ZNRF3: variants seen among roughly 807,000 people sequenced by gnomAD.
ZNRF3 encodes zinc and ring finger 3, also known as E3 ubiquitin-protein ligase ZNRF3.
ZNRF3 carries 23 observed loss-of-function variants against 72.5 expected under a neutral mutation model. That is an observed-to-expected ratio of 0.32 (90% CI 0.23 to 0.45). ZNRF3 has a LOEUF of 0.45. Ranked by LOEUF, ZNRF3 falls within the 20% of genes least tolerant of loss-of-function variation. ZNRF3 has a pLI of 1.00. For missense variants in ZNRF3, 1,169 were observed against 1,272.1 expected, an observed-to-expected ratio of 0.92 and a Z score of 1.23; for synonymous variants, 610 against 545.3, an observed-to-expected ratio of 1.12 and a Z score of -1.65.
intron 2 of ZNRF3, 121 bp downstream of exon 2, chr22:28,987,322 G>A (rs2035872267): frequency 7.0e-7 from 1 of 1,434,730 alleles, no homozygotes; most frequent in Admixed American, 2.5e-5. Flanking sequence ...CTCCTTCCCG[G>A]CTGAAGTTGC....
chr22:28,997,042 A>G (rs1230202678), intron 2 of ZNRF3, among the ~76,000 whole-genome samples: 1 of 152,092 alleles, frequency 6.6e-6, no homozygotes, highest in South Asian at 2.1e-4. Context: ...GAGTGGTGAG[A>G]TTCTCAACTT....
intron 1 of ZNRF3, among the ~76,000 whole-genome samples, chr22:28,963,908 C>G (rs1488758391): frequency 6.6e-6 from 1 of 152,188 alleles, no homozygotes; most frequent in Non-Finnish European, 1.5e-5. Flanking sequence ...AAGCTTAGCA[C>G]AGTACCCAGC....
At chr22:28,935,404 C>T (rs981188741) in intron 1 of ZNRF3, among the ~76,000 whole-genome samples, 1 of 152,216 alleles carries the variant, frequency 6.6e-6, no homozygotes, top group African/African-American at 2.4e-5. Context: ...GGTTTCCAGT[C>T]ATTCCTCTCT....
At chr22:28,975,239 C>A (rs562367420) in intron 1 of ZNRF3, among the ~76,000 whole-genome samples, 14 of 152,048 alleles carry the variant, frequency 9.2e-5, no homozygotes, top group Admixed American at 3.3e-4. Flanking sequence ...CGCAGTGGCT[C>A]ACGCCTGTAA....
intron 2 of ZNRF3, among the ~76,000 whole-genome samples, chr22:29,028,513 G>A (rs1340984266): frequency 6.6e-6 from 1 of 152,176 alleles, no homozygotes; most frequent in Non-Finnish European, 1.5e-5. Flanking sequence ...AATATTTGGA[G>A]GTTCAGCATT....
rs1224525350 is a variant in ZNRF3, at chr22:29,055,372, G to A, written c.*1750G>A. 6.6e-6 allele frequency: 1 copy of A among 152,192 alleles called. No individual in the cohort carries two copies. Among genetic ancestry groups the A allele is most frequent in the African/African-American group, 2.4e-5 (1 of 41,444 alleles). 9.4% of individuals were successfully genotyped at this position (152,192 alleles called of 1,614,324 possible). On this transcript the variant is annotated 3_prime_UTR_variant, in exon 9 of 9. Coordinates refer to ENST00000544604, the MANE Select transcript of ZNRF3 (RefSeq NM_001206998.2). ...AAACTTGAGACCTGGCCCCCTGTGGGTAGGAGAACAAGGACCACCTGGGTT... is the reference window on the plus strand; with the variant it reads ...AAACTTGAGACCTGGCCCCCTGTGGATAGGAGAACAAGGACCACCTGGGTT...
At chr22:28,889,578 G>C (rs2033849569) in intron 1 of ZNRF3, among the ~76,000 whole-genome samples, 1 of 152,178 alleles carries the variant, frequency 6.6e-6, no homozygotes, top group Non-Finnish European at 1.5e-5. Flanking sequence ...GTCTCCTATG[G>C]AGACAGACAC....
chr22:28,908,693 C>T (rs1191254463), intron 1 of ZNRF3, among the ~76,000 whole-genome samples: 2 of 152,086 alleles, frequency 1.3e-5, no homozygotes, highest in South Asian at 2.1e-4. Context: ...GCTGGATGCG[C>T]GGTCAGTTGG....
At chr22:29,037,727 A>G (rs2036891366) in intron 2 of ZNRF3, among the ~76,000 whole-genome samples, 1 of 152,208 alleles carries the variant, frequency 6.6e-6, no homozygotes, top group Admixed American at 6.5e-5. Flanking sequence ...GGACCGTGGC[A>G]ATCTTTCATT....
intron 1 of ZNRF3, among the ~76,000 whole-genome samples, chr22:28,942,052 C>A (rs1034490460): frequency 6.6e-6 from 1 of 152,208 alleles, no homozygotes; most frequent in Non-Finnish European, 1.5e-5. Context: ...ATTTCTGGTG[C>A]CATTTTAGTT....
Position 28,894,006 on chromosome 22 carries a change from C to T in ZNRF3, c.300+9940C>T, listed in dbSNP as rs549306426. ...TTGCTCTGTTGCCCAGGCTGGAGTG[C>T]AGTGGCGCAATCTTTCTTGGCTCAC... On this transcript the variant is annotated intron_variant, in intron 1 of 8. Transcript: ENST00000544604. Among the ~76,000 whole-genome samples the T allele has an allele frequency of 2.0e-5, 3 of 152,300 alleles. No individual in the cohort carries two copies. In the East Asian group the frequency reaches 5.8e-4, roughly 29 times the overall value.
At position 29,043,497 on chromosome 22, in the gene ZNRF3, C is replaced by T. The variant is rs2037007933; in HGVS notation, c.633+67C>T. ...TGCTACTACCTGTCCCTTTATTTCC[C>T]TTGGGCTTTCATTCCTATCTCTGTC... is the stretch of plus-strand genomic sequence containing the variant. On this transcript the variant is annotated intron_variant, in intron 4 of 8. Transcript: ENST00000544604. 5.7e-6 allele frequency: 9 copies of T among 1,572,004 alleles called. No individual in the cohort carries two copies. The South Asian group carries it at 9.3e-5, about 16-fold the overall frequency.
chr22:29,053,685 C>G lies in ZNRF3; in HGVS notation c.*63C>G. 1 of 1,504,736 alleles carries G rather than the reference C, an allele frequency of 6.6e-7. No individual in the cohort carries two copies. The highest frequency in any genetic ancestry group is 1.2e-5 in the South Asian group (1 of 80,196). 93.2% of individuals were successfully genotyped at this position (1,504,736 alleles called of 1,614,324 possible). A position where few individuals can be genotyped will look rare whatever the true frequency, so the allele number is the denominator to read the frequency against. On this transcript the variant is annotated 3_prime_UTR_variant, in exon 9 of 9. Transcript: ENST00000544604. ...ATGGAGACTCCAAACTGACTTCTTT[C>G]AAAAAACAAAAACAAAAAATTTTTT...
At chr22:29,009,192 G>A (rs2036307757) in intron 2 of ZNRF3, among the ~76,000 whole-genome samples, 1 of 152,180 alleles carries the variant, frequency 6.6e-6, no homozygotes, top group Non-Finnish European at 1.5e-5. Context: ...CGGCTTCACA[G>A]AAGAGATGAA....
intron 1 of ZNRF3, among the ~76,000 whole-genome samples, chr22:28,907,790 GCA>G (rs2034239876): frequency 6.6e-6 from 1 of 152,184 alleles, no homozygotes; most frequent in Non-Finnish European, 1.5e-5. Context: ...AGTGGTGTCA[GCA>G]CACTTTCACT....
At position 28,897,085 on chromosome 22, in the gene ZNRF3, C is replaced by T. The variant is rs2034011899; in HGVS notation, c.300+13019C>T. 5.3e-5 allele frequency among the ~76,000 whole-genome samples: 8 copies of T among 152,182 alleles called. No homozygotes were observed. The South Asian group carries it at 1.7e-3, about 32-fold the overall frequency. On this transcript the variant is annotated intron_variant, in intron 1 of 8. Coordinates refer to ENST00000544604, the MANE Select transcript of ZNRF3 (RefSeq NM_001206998.2). ...TGCAGTCGGCTCTCACATTCTCTTTCTTCCCATCAGTTCTTCCCTTCCCTT... is the reference window on the plus strand; with the variant it reads ...TGCAGTCGGCTCTCACATTCTCTTTTTTCCCATCAGTTCTTCCCTTCCCTT...
chr22:29,005,160 C>A (rs1449834338), intron 2 of ZNRF3, among the ~76,000 whole-genome samples: 1 of 152,246 alleles, frequency 6.6e-6, no homozygotes, highest in Non-Finnish European at 1.5e-5. Context: ...CCTTTCCCCT[C>A]CCAGCACTCG....
chr22:28,886,220 A>G (rs2033783135), intron 1 of ZNRF3, among the ~76,000 whole-genome samples: 1 of 152,204 alleles, frequency 6.6e-6, no homozygotes, highest in Admixed American at 6.5e-5. Flanking sequence ...GAGTTCTGCA[A>G]ATACTGTTTG....
At position 28,987,101 on chromosome 22, in the gene ZNRF3, A is replaced by G. The variant is rs1408997189; in HGVS notation, c.326A>G (p.Asn109Ser). The G allele has an allele frequency of 2.5e-6, 4 of 1,613,698 alleles. No homozygotes were observed. Among genetic ancestry groups the G allele is most frequent in the Non-Finnish European group, 2.5e-6 (3 of 1,179,842 alleles). ...ATGCACCCACTGGGCCTATGTAATAACAATGACGAAGAGGACTTGTATGAA... is the reference window on the plus strand; with the variant it reads ...ATGCACCCACTGGGCCTATGTAATAGCAATGACGAAGAGGACTTGTATGAA... ...VQMHPLGLCNNNDEEDLYEYG... is the reference protein window; with the variant it reads ...VQMHPLGLCNSNDEEDLYEYG... Residue 109 changes from asparagine to serine, a missense_variant, in exon 2 of 9, where the codon AAC (asparagine) becomes AGC (serine). Asn to Ser is a conservative substitution (Grantham distance 46). This residue lies in a region of ZNRF3 where 386 missense variants were observed against 540.7 expected (regional missense o/e 0.71). Coordinates refer to ENST00000544604, the MANE Select transcript of ZNRF3 (RefSeq NM_001206998.2).
Sources: gnomAD v4.1 joint callset for allele counts (sites outside exome capture counted in the v4.1 genomes callset) on GRCh38, gnomAD v4.1.1 for gene constraint, gnomAD v4.1.1 regional missense constraint, MANE v1.5 for transcripts, NCBI Gene and HGNC (gene_info 2026-07-23, HGNC 2026-07-21) for gene names.